ATRNL1: variants seen among roughly 807,000 people sequenced by gnomAD.
The protein encoded by ATRNL1 is attractin-like protein 1.
ATRNL1 carries 95 observed loss-of-function variants against 182.7 expected under a neutral mutation model. That is an observed-to-expected ratio of 0.52 (90% CI 0.44 to 0.62). ATRNL1 has a LOEUF of 0.62. Ranked by LOEUF, ATRNL1 falls within the 20% of genes least tolerant of loss-of-function variation. The pLI is 0.00. For missense variants in ATRNL1, 1,471 were observed against 1,679.5 expected (o/e 0.88, Z 2.17); for synonymous variants, 576 against 568.3 (o/e 1.01, Z -0.19).
chr10:115,467,190 A>G lies in ATRNL1; in HGVS notation c.3434A>G (p.Asp1145Gly). 1.2e-6 allele frequency: 2 copies of G among 1,604,262 alleles called. No individual in the cohort carries two copies. Among genetic ancestry groups the G allele is most frequent in the Non-Finnish European group, 1.7e-6 (2 of 1,173,974 alleles). Residue 1145 changes from aspartate (D) to glycine (G), a missense_variant, in exon 23 of 29, where the codon GAT becomes GGT. Asp to Gly is a moderately conservative substitution (Grantham distance 94). Coordinates refer to ENST00000355044, the MANE Select transcript of ATRNL1 (RefSeq NM_207303.4). ...TTCTGGTAGTCGAACAAAAATCTGG[A>G]TATATCAATTAATGCATCAAACAAC... Reference protein sequence around the residue: ...ANPEQSNKNLDISINASNNFN... With the variant: ...ANPEQSNKNLGISINASNNFN...
At chr10:115,918,315 C>T (rs1282899695) in intron 28 of ATRNL1, among the ~76,000 whole-genome samples, 1 of 152,100 alleles carries the variant, frequency 6.6e-6, no homozygotes, top group South Asian at 2.1e-4. Context: ...GTTGGCCGGG[C>T]TGGTCTTGAA....
At chr10:115,609,447 A>G (rs1163408137) in intron 26 of ATRNL1, among the ~76,000 whole-genome samples, 1 of 152,228 alleles carries the variant, frequency 6.6e-6, no homozygotes, top group Non-Finnish European at 1.5e-5. Context: ...AAGAATGCTT[A>G]ATTTAGAGTT....
chr10:115,746,398 A>G (rs1948292369), intron 27 of ATRNL1, among the ~76,000 whole-genome samples: 1 of 152,096 alleles, frequency 6.6e-6, no homozygotes, highest in South Asian at 2.1e-4. Context: ...CCAGGCATTT[A>G]TTCAATAAGC....
intron 19 of ATRNL1, among the ~76,000 whole-genome samples, chr10:115,354,136 A>T (rs1246454088): frequency 6.6e-6 from 1 of 151,268 alleles, no homozygotes; most frequent in East Asian, 1.9e-4. Flanking sequence ...AAACATTATA[A>T]TTTTTTTTTA....
chr10:115,929,231 TA>T (rs72348968), intron 28 of ATRNL1, among the ~76,000 whole-genome samples: 4,609 of 152,176 alleles, frequency 0.03, 201 homozygotes, highest in African/African-American at 0.1. Flanking sequence ...ACTTATTTCT[TA>T]ACTGGTATTT....
At chr10:115,199,646 A>C (rs1382516565) in intron 8 of ATRNL1, among the ~76,000 whole-genome samples, 1 of 151,508 alleles carries the variant, frequency 6.6e-6, no homozygotes, top group Non-Finnish European at 1.5e-5. Context: ...TGTGTAGATA[A>C]TGTAGGGTTG....
intron 28 of ATRNL1, among the ~76,000 whole-genome samples, chr10:115,926,975 T>G (rs1953255402): frequency 1.3e-5 from 2 of 151,994 alleles, no homozygotes; most frequent in Non-Finnish European, 1.5e-5. Flanking sequence ...AAAGAAAAAT[T>G]TAGGCCAATA....
At chr10:115,648,179 A>G (rs994414218) in intron 26 of ATRNL1, among the ~76,000 whole-genome samples, 1 of 152,172 alleles carries the variant, frequency 6.6e-6, no homozygotes, top group African/African-American at 2.4e-5. Context: ...CAGAGAGCCA[A>G]ATCGTGAGTG....
intron 19 of ATRNL1, among the ~76,000 whole-genome samples, chr10:115,375,149 A>G (rs1212264489): frequency 6.6e-6 from 1 of 151,700 alleles, no homozygotes; most frequent in Non-Finnish European, 1.5e-5. Flanking sequence ...CTTTATATAT[A>G]TAGGTACTCT....
chr10:115,931,520 CTT>C (rs1406355459), intron 28 of ATRNL1, among the ~76,000 whole-genome samples: 11 of 152,126 alleles, frequency 7.2e-5, no homozygotes, highest in Admixed American at 4.6e-4. Context: ...TTTGAAAACT[CTT>C]TACAGAACAC....
chr10:115,344,218 G>A (rs1318726047), intron 19 of ATRNL1, among the ~76,000 whole-genome samples: 4 of 152,200 alleles, frequency 2.6e-5, no homozygotes, highest in Admixed American at 6.5e-5. Flanking sequence ...CCTTCTGGAT[G>A]ACGAGTTCCC....
At chr10:115,286,919 T>C (rs1554919168) in intron 15 of ATRNL1, among the ~76,000 whole-genome samples, 1 of 151,986 alleles carries the variant, frequency 6.6e-6, no homozygotes, top group African/African-American at 2.4e-5. Flanking sequence ...TATTCAGTAA[T>C]AATCTAGAGA....
At chr10:115,228,772 T>G (rs1849804224) in intron 9 of ATRNL1, among the ~76,000 whole-genome samples, 1 of 150,580 alleles carries the variant, frequency 6.6e-6, no homozygotes, top group Non-Finnish European at 1.5e-5. Context: ...CTTTCTTTTT[T>G]TTTTTTTTTT....
chr10:115,389,552 A>ATATGTG (rs1554953831), intron 19 of ATRNL1, among the ~76,000 whole-genome samples: 3 of 66,742 alleles, frequency 4.5e-5, no homozygotes, highest in African/African-American at 1.5e-4. Flanking sequence ...ATATATATAT[A>ATATGTG]TATATATATA....
intron 27 of ATRNL1, among the ~76,000 whole-genome samples, chr10:115,824,226 T>G (rs1352803004): frequency 6.6e-6 from 1 of 152,212 alleles, no homozygotes; most frequent in East Asian, 1.9e-4. Context: ...GCTAGCCATG[T>G]GCAGAAAACT....
intron 27 of ATRNL1, among the ~76,000 whole-genome samples, chr10:115,802,021 A>AACACACACACACACACACAC (rs60513803): frequency 0.098 from 12,328 of 125,702 alleles, 835 homozygotes; most frequent in South Asian, 0.15. Context: ...AAAAAAAAGA[A>AACACACACACACACACACAC]ACACACACAC....
At chr10:115,427,773 T>C (rs1356888704) in intron 21 of ATRNL1, among the ~76,000 whole-genome samples, 1 of 152,128 alleles carries the variant, frequency 6.6e-6, no homozygotes, top group Non-Finnish European at 1.5e-5. Context: ...TTCTGTTTCT[T>C]TAATCTATTT....
chr10:115,517,723 A>T (rs1850712712), intron 24 of ATRNL1, among the ~76,000 whole-genome samples: 1 of 151,710 alleles, frequency 6.6e-6, no homozygotes, highest in Non-Finnish European at 1.5e-5. Context: ...CTTTATTATG[A>T]TTTCAAAATA....
At chr10:115,422,256 C>A (rs1845682301) in intron 20 of ATRNL1, among the ~76,000 whole-genome samples, 1 of 152,060 alleles carries the variant, frequency 6.6e-6, no homozygotes, top group Non-Finnish European at 1.5e-5. Context: ...TAAACAGACA[C>A]CTTACAAAAT....
Sources: allele counts gnomAD v4.1 joint callset (sites outside exome capture counted in the v4.1 genomes callset), GRCh38; gene constraint gnomAD v4.1.1; transcripts MANE v1.5; gene names NCBI Gene and HGNC (gene_info 2026-07-23, HGNC 2026-07-21).